The following ERCC4 variants were observed in gnomAD, a reference collection of about 807,000 sequenced individuals.
ERCC4 encodes the protein ERCC excision repair 4, endonuclease catalytic subunit, also known as DNA repair endonuclease XPF.
ERCC4 carries 65 observed loss-of-function variants against 76.9 expected under a neutral mutation model. The observed-to-expected ratio is 0.84, with a 90% CI of 0.69 to 1.04. The LOEUF is 1.04. ERCC4 is among the 50% of genes least tolerant of loss of function. The probability of loss-of-function intolerance (pLI) is 0.00; values close to 1 mark genes in which losing one functional copy is unlikely to be tolerated. For synonymous variants in ERCC4, 463 were observed against 410.1 expected, an observed-to-expected ratio of 1.13 and a Z score of -1.56; for missense variants, 1,214 against 1,128.2, an observed-to-expected ratio of 1.08 and a Z score of -1.09.
At chr16:13,929,943 A>G (rs964162399) in intron 4 of ERCC4, among the ~76,000 whole-genome samples, 2 of 152,226 alleles carry the variant, frequency 1.3e-5, no homozygotes, top group African/African-American at 2.4e-5. Flanking sequence ...GAGCCTGGCT[A>G]CAGAGTGAGA....
In ERCC4 at chr16:13,932,210, G is replaced by C; in HGVS notation, c.1027G>C (p.Val343Leu). 6.2e-7 allele frequency: 1 copy of C among 1,612,720 alleles called. No homozygotes were observed. ...GATGTTTATAAATGCTCGAGCAAGG[G>C]TTTATCATCTTCCAGATGCCAAAAT... is the stretch of plus-strand genomic sequence containing the variant. ...TSMFINARARVYHLPDAKMSK... is the reference protein window; with the variant it reads ...TSMFINARARLYHLPDAKMSK... Residue 343 changes from valine (V) to leucine (L), a missense_variant, in exon 6 of 11, where the codon GTT (valine) becomes CTT (leucine). Val to Leu is a conservative substitution (Grantham distance 32, BLOSUM62 1). Transcript: ENST00000311895.
In ERCC4 at chr16:13,922,101, C is replaced by T; in HGVS notation, c.278C>T (p.Thr93Ile). ...HLPRRVTNEI[T>I]SNSRYEVYTQ... ...CCTCGCCGTGTAACAAATGAAATCACAAGCAACAGTCGCTATGAAGTTTAC... is the reference window on the plus strand; with the variant it reads ...CCTCGCCGTGTAACAAATGAAATCATAAGCAACAGTCGCTATGAAGTTTAC... Residue 93 changes from threonine to isoleucine, a missense_variant, in exon 2 of 11, where the codon ACA (threonine) becomes ATA (isoleucine). Thr to Ile is a moderately conservative substitution (Grantham distance 89). Coordinates refer to ENST00000311895, the MANE Select transcript of ERCC4 (RefSeq NM_005236.3). 6.2e-7 allele frequency: 1 copy of T among 1,613,606 alleles called. No homozygotes were observed. The highest frequency in any genetic ancestry group is 1.1e-5 in the South Asian group (1 of 91,048).
intron 6 of ERCC4, 104 bp from the exon 7 acceptor site, chr16:13,934,088 G>C (rs1434593226): frequency 1.5e-6 from 1 of 687,402 alleles, no homozygotes; most frequent in Admixed American, 2.7e-5. Context: ...TAAATAAATG[G>C]GCATATGTAC....
Position 13,934,214 on chromosome 16 carries a change from A to G in ERCC4, c.1125A>G (p.Leu375=), listed in dbSNP as rs1307047288. The part of the protein sequence containing the change: ...EGEETKKELV[L]ESNPKWEALT... ...CAGAAACAAAAAAGGAACTGGTCCTAGAAAGCAACCCAAAGTGGGAGGCAC... is the reference window on the plus strand; with the variant it reads ...CAGAAACAAAAAAGGAACTGGTCCTGGAAAGCAACCCAAAGTGGGAGGCAC... The change falls in exon 7 of 11, where the codon CTA becomes CTG. Residue 375 remains leucine (L), a synonymous_variant. Transcript: ENST00000311895. 6 of 1,612,598 alleles carry G rather than the reference A, an allele frequency of 3.7e-6. No homozygotes were observed. In the African/African-American group the frequency reaches 6.7e-5, roughly 18 times the overall value.
chr16:13,935,781 T>C (rs2032279288), intron 8 of ERCC4, 38 bp downstream of exon 8: 1 of 1,435,668 alleles, frequency 7.0e-7, no homozygotes, highest in Admixed American at 1.7e-5. Context: ...GTTGCACAGT[T>C]CTTTAGGATT....
chr16:13,947,870 G>T lies in ERCC4; in HGVS notation c.2274G>T (p.Leu758=). The stretch of plus-strand genomic sequence containing the variant: ...GCTACTACAAGCGTCCCGTGCTTCT[G>T]ATTGAGTTTGACCCTAGCAAGCCTT... The part of the protein sequence containing the change: ...MSRYYKRPVL[L]IEFDPSKPFS... The change falls in exon 11 of 11, where the codon CTG becomes CTT. Residue 758 remains leucine, a synonymous_variant. Coordinates refer to ENST00000311895, the MANE Select transcript of ERCC4 (RefSeq NM_005236.3). 1 of 1,614,188 alleles carries T rather than the reference G, an allele frequency of 6.2e-7. No individual in the cohort carries two copies. Among genetic ancestry groups the T allele is most frequent in the Middle Eastern group, 1.6e-4 (1 of 6,062 alleles).
At chr16:13,926,948 T>C in intron 3 of ERCC4, 192 bp downstream of exon 3, 1 of 591,504 alleles carries the variant, frequency 1.7e-6, no homozygotes, top group South Asian at 2.0e-5. Context: ...GTGGTTTTAT[T>C]TAAGTCGAGA....
chr16:13,935,417 T>G lies in ERCC4; in HGVS notation c.1485T>G (p.Thr495=), dbSNP rs1476213344. 1.2e-6 allele frequency: 2 copies of G among 1,613,260 alleles called. No individual in the cohort carries two copies. Among genetic ancestry groups the G allele is most frequent in the Non-Finnish European group, 1.7e-6 (2 of 1,179,824 alleles). The change falls in exon 8 of 11, where the codon ACT becomes ACG. Residue 495 remains threonine (T), a synonymous_variant. Coordinates refer to ENST00000311895, the MANE Select transcript of ERCC4 (RefSeq NM_005236.3). ...AGAAAAAACGGAAGTTGACCTTAAC[T>G]CAAATGGTAGGAAAACCTGAAGAAC... ...LKKKKRKLTL[T]QMVGKPEELE... is the part of the protein sequence containing the mutation.
intron 3 of ERCC4, 120 bp downstream of exon 3, chr16:13,926,876 GA>G: frequency 1.2e-6 from 1 of 821,674 alleles, no homozygotes; most frequent in South Asian, 1.5e-5. Flanking sequence ...AATTTTGTTT[GA>G]TAGAACCTAG....
rs200296085 is a variant in ERCC4 at position 13,948,390 on chromosome 16, C to T, written c.*43C>T. ...CTTATCCCATGCCTGTACTTTTCAGCGGCTCCTTGCCAGACATCATAGGTC... is the reference window on the plus strand; with the variant it reads ...CTTATCCCATGCCTGTACTTTTCAGTGGCTCCTTGCCAGACATCATAGGTC... On this transcript the variant is annotated 3_prime_UTR_variant, in exon 11 of 11. Transcript: ENST00000311895. The T allele has an allele frequency of 1.7e-5, 27 of 1,595,646 alleles. No homozygotes were observed. Among genetic ancestry groups the T allele is most frequent in the South Asian group, 7.7e-5 (7 of 90,702 alleles).
At chr16:13,928,468 T>C (rs1426613585) in intron 4 of ERCC4, among the ~76,000 whole-genome samples, 2 of 152,180 alleles carry the variant, frequency 1.3e-5, no homozygotes, top group Non-Finnish European at 2.9e-5. Context: ...AGTGATTATC[T>C]CTTATTTTAA....
At position 13,949,704 on chromosome 16, in the gene ERCC4, A is replaced by G. The variant is rs2032594808; in HGVS notation, c.*1357A>G. The G allele has an allele frequency of 4.3e-6, 1 of 232,724 alleles. No individual in the cohort carries two copies. The highest frequency in any genetic ancestry group is 2.2e-5 in the African/African-American group (1 of 45,336). 14.4% of individuals were successfully genotyped at this position (232,724 alleles called of 1,614,324 possible). ...AAGTTGGCTTTTTACGTAAGTGTAC[A>G]AATAGGATATTCACAGCATCTTTGT... is the stretch of plus-strand genomic sequence containing the variant. On this transcript the variant is annotated 3_prime_UTR_variant, in exon 11 of 11. Transcript: ENST00000311895.
intron 8 of ERCC4, among the ~76,000 whole-genome samples, chr16:13,937,104 T>A (rs1387142606): frequency 7.0e-6 from 1 of 141,978 alleles, no homozygotes; most frequent in Non-Finnish European, 1.5e-5. Flanking sequence ...TTTTTTTTTG[T>A]AGAGATGGGG....
chr16:13,934,107 G>A (rs773003764), intron 6 of ERCC4, 85 bp from the exon 7 acceptor site: 66 of 814,164 alleles, frequency 8.1e-5, no homozygotes, highest in Middle Eastern at 2.4e-4. Flanking sequence ...ACTGATGCTC[G>A]TGTTATCTGT....
chr16:13,922,199 G>C lies in ERCC4; in HGVS notation c.376G>C (p.Asp126His), dbSNP rs1192940719. Residue 126 changes from aspartate (D) to histidine (H), a missense_variant, in exon 2 of 11, where the codon GAT becomes CAT. Transcript: ENST00000311895. ...VDFLTDRIPS[D>H]LITGILVYRA... ...CTTCTTGACTGATAGAATACCTTCA[G>C]ATTTAATTACTGGTAAGAATTTGAA... The C allele has an allele frequency of 6.9e-6, 11 of 1,604,010 alleles. No homozygotes were observed. Among genetic ancestry groups the C allele is most frequent in the South Asian group, 2.2e-5 (2 of 90,526 alleles).
At position 13,930,823 on chromosome 16, in the gene ERCC4, T is replaced by C. The variant is rs148003381; in HGVS notation, c.906T>C (p.Asp302=). The C allele has an allele frequency of 5.1e-5, 83 of 1,613,210 alleles. No homozygotes were observed. The highest frequency in any genetic ancestry group is 6.5e-5 in the Non-Finnish European group (77 of 1,179,304). Residue 302 remains aspartate (D), a synonymous_variant, in exon 5 of 11, where the codon GAT becomes GAC. Coordinates refer to ENST00000311895, the MANE Select transcript of ERCC4 (RefSeq NM_005236.3). The part of the protein sequence containing the change: ...RTLLQYLSQY[D]CVTFLNLLES... ...TGCTGCAGTATCTCTCTCAGTATGA[T>C]TGTGTCACATTTCTTAATCTTCTGG... is the stretch of plus-strand genomic sequence containing the variant.
At chr16:13,932,548 G>A in intron 6 of ERCC4, 1 of 556,250 alleles carries the variant, frequency 1.8e-6, no homozygotes, top group South Asian at 2.4e-5. Flanking sequence ...GTCAAATATT[G>A]ATCAAAAGTA....
In ERCC4 at chr16:13,949,768, G is replaced by T. The variant is rs76447723; in HGVS notation, c.*1421G>T. 10,443 of 231,958 alleles carry T rather than the reference G, an allele frequency of 0.045. 326 individuals carry two copies. Among genetic ancestry groups the T allele is most frequent in the Admixed American group, 0.06 (1,060 of 17,750 alleles). 14.4% of individuals were successfully genotyped at this position (231,958 alleles called of 1,614,324 possible). A position where few individuals can be genotyped will look rare whatever the true frequency, so the allele number is the denominator to read the frequency against. ...TTTTATATTTAAACATTATTAAGTT[G>T]GCTTTTGTTCACATGTTGAGTAATG... On this transcript the variant is annotated 3_prime_UTR_variant, in exon 11 of 11. Transcript: ENST00000311895.
chr16:13,940,475 G>A lies in ERCC4; in HGVS notation c.1904+2617G>A, dbSNP rs368754905. Among the ~76,000 whole-genome samples, 32 of 152,266 alleles carry A rather than the reference G, an allele frequency of 2.1e-4. 1 individual carries two copies. The East Asian group carries it at 3.7e-3, about 17-fold the overall frequency. On this transcript the variant is annotated intron_variant, in intron 9 of 10. Coordinates refer to ENST00000311895, the MANE Select transcript of ERCC4 (RefSeq NM_005236.3). ...AGGTAAAACCAGGCCTAAGCTTCCA[G>A]GTGTCCTCTCCCAGTGGAGTCACAT...
Sources: allele counts gnomAD v4.1 joint callset (sites outside exome capture counted in the v4.1 genomes callset), GRCh38; gene constraint gnomAD v4.1.1; transcripts MANE v1.5; gene names NCBI Gene and HGNC (gene_info 2026-07-23, HGNC 2026-07-21).